Variants in TMEM272 observed in about 807,000 individuals in gnomAD.
The protein encoded by TMEM272 is transmembrane protein 272, also known as long intergenic non-protein coding RNA 282.
In TMEM272, 8 loss-of-function variants were observed where a neutral mutation model predicts 3.7. The observed-to-expected ratio is 2.17, with a 90% CI of 1.27 to 3.91. The LOEUF is 3.91. Ranked by LOEUF, TMEM272 falls within the 30% of genes most tolerant of loss-of-function variation. The pLI is 0.00. For synonymous variants in TMEM272, 63 were observed against 39.8 expected (o/e 1.58, Z -2.20); for missense variants, 166 against 91.5 (o/e 1.81, Z -3.32).
the TMEM272 span, among the ~76,000 whole-genome samples, chr13:51,903,498 C>G: frequency 1.3e-5 from 2 of 152,298 alleles, no homozygotes; most frequent in South Asian, 4.1e-4. Flanking sequence ...ACTTCAGGTT[C>G]TGGCTGCTCT....
At chr13:51,895,864 A>G in the TMEM272 span, among the ~76,000 whole-genome samples, 1 of 152,100 alleles carries the variant, frequency 6.6e-6, no homozygotes, top group African/African-American at 2.4e-5. Context: ...AGATTCCAAT[A>G]CACAACCCCT....
chr13:51,833,155 G>C (rs1234222754), intron 2 of TMEM272, among the ~76,000 whole-genome samples: 1 of 152,148 alleles, frequency 6.6e-6, no homozygotes, highest in Admixed American at 6.6e-5. Context: ...AAAGATTTGA[G>C]AGACAGAGAC....
chr13:51,853,950 T>A, the TMEM272 span, among the ~76,000 whole-genome samples: 102 of 152,346 alleles, frequency 6.7e-4, no homozygotes, highest in Admixed American at 2.1e-3. Flanking sequence ...ACAATGAACA[T>A]GCATTACCTT....
At chr13:51,830,292 C>G (rs1196822910) in intron 2 of TMEM272, among the ~76,000 whole-genome samples, 1 of 152,212 alleles carries the variant, frequency 6.6e-6, no homozygotes, top group African/African-American at 2.4e-5. Context: ...CTCTTCACTA[C>G]CTCCCAGCAG....
intron 2 of TMEM272, 104 bp from the exon 3 acceptor site, chr13:51,826,729 T>G (rs976481410): frequency 1.5e-6 from 1 of 680,292 alleles, no homozygotes; most frequent in Non-Finnish European, 2.7e-6. Flanking sequence ...TGACTTTCTC[T>G]CCAGTGGCAA....
At chr13:51,826,961 T>C (rs1956131046) in intron 2 of TMEM272, among the ~76,000 whole-genome samples, 1 of 152,204 alleles carries the variant, frequency 6.6e-6, no homozygotes, top group Admixed American at 6.5e-5. Flanking sequence ...GCTGCCGGCA[T>C]CCACTGAGCC....
At chr13:51,880,536 T>C in the TMEM272 span, among the ~76,000 whole-genome samples, 1 of 152,026 alleles carries the variant, frequency 6.6e-6, no homozygotes, top group Non-Finnish European at 1.5e-5. Context: ...CAAAGTTAAA[T>C]GACAGAACAA....
At chr13:51,924,224 C>T in the TMEM272 span, among the ~76,000 whole-genome samples, 3 of 152,052 alleles carry the variant, frequency 2.0e-5, no homozygotes, top group East Asian at 3.9e-4. Flanking sequence ...TTGGACTCTC[C>T]TCCCCCACTG....
At chr13:51,887,752 C>T in the TMEM272 span, among the ~76,000 whole-genome samples, 2 of 152,212 alleles carry the variant, frequency 1.3e-5, no homozygotes, top group Admixed American at 6.5e-5. Context: ...CTTGAAGACT[C>T]TGCCAACTCT....
the TMEM272 span, among the ~76,000 whole-genome samples, chr13:51,864,602 G>T: frequency 6.6e-6 from 1 of 152,146 alleles, no homozygotes; most frequent in Admixed American, 6.5e-5. Flanking sequence ...CACTCTATTG[G>T]GATGGTCATT....
At chr13:51,885,061 C>T in the TMEM272 span, among the ~76,000 whole-genome samples, 7 of 152,196 alleles carry the variant, frequency 4.6e-5, no homozygotes, top group African/African-American at 1.7e-4. Context: ...CATGGTAATT[C>T]TATCGTCTGG....
chr13:51,906,816 TG>T, the TMEM272 span, among the ~76,000 whole-genome samples: 7 of 152,208 alleles, frequency 4.6e-5, no homozygotes, highest in Non-Finnish European at 2.9e-5. Context: ...TGCAGGCTCC[TG>T]GACAAACATC....
chr13:51,912,432 C>G, the TMEM272 span, among the ~76,000 whole-genome samples: 1 of 152,140 alleles, frequency 6.6e-6, no homozygotes, highest in Admixed American at 6.5e-5. Context: ...GAGCTCCCAG[C>G]CCACAGTACA....
chr13:51,903,774 C>G, the TMEM272 span, among the ~76,000 whole-genome samples: 1 of 152,146 alleles, frequency 6.6e-6, no homozygotes, highest in Non-Finnish European at 1.5e-5. Flanking sequence ...AATGCCCAAA[C>G]TTTAGCTTCA....
At chr13:51,848,766 CAG>C (rs1956318359), upstream of TMEM272, among the ~76,000 whole-genome samples, 3 of 152,248 alleles carry the variant, frequency 2.0e-5, no homozygotes, top group Admixed American at 2.0e-4. Flanking sequence ...AAGGAGCAAT[CAG>C]AAAGCCAAGG....
At chr13:51,926,323 C>T in the TMEM272 span, among the ~76,000 whole-genome samples, 8 of 152,196 alleles carry the variant, frequency 5.3e-5, no homozygotes, top group Non-Finnish European at 1.5e-5. Context: ...CTCTTCCTCA[C>T]TCACTGTGGA....
At chr13:51,824,902 G>A (rs563554519) in intron 3 of TMEM272, among the ~76,000 whole-genome samples, 5 of 152,192 alleles carry the variant, frequency 3.3e-5, no homozygotes, top group African/African-American at 9.7e-5. Context: ...GCGGTGAGCC[G>A]AGATCGCTCC....
the TMEM272 span, chr13:51,866,249 T>C: frequency 5.5e-5 from 33 of 598,344 alleles, 1 homozygote; most frequent in South Asian, 9.3e-4. Context: ...TGAGGAAGGC[T>C]GGCTGCATTT....
At chr13:51,910,493 C>A in the TMEM272 span, 1 of 755,072 alleles carries the variant, frequency 1.3e-6, no homozygotes, top group Non-Finnish European at 2.5e-6. Flanking sequence ...CACATATCAC[C>A]AATTCCCATG....
Sources: allele counts gnomAD v4.1 joint callset (sites outside exome capture counted in the v4.1 genomes callset), GRCh38; gene constraint gnomAD v4.1.1; transcripts MANE v1.5; gene names NCBI Gene and HGNC (gene_info 2026-07-23, HGNC 2026-07-21).